Variants in KIAA1217 observed in about 807,000 individuals in gnomAD.
The protein encoded by KIAA1217 is KIAA1217, also known as sickle tail protein homolog.
A neutral mutation model predicts 163.9 loss-of-function variants in KIAA1217; 88 were observed. The ratio of observed to expected loss-of-function variants is 0.54; its 90% CI spans 0.45 to 0.64. The LOEUF is 0.64. Among genes scored for constraint, KIAA1217 ranks in the 30% least tolerant of loss-of-function variants. The probability of loss-of-function intolerance (pLI) is 0.00; values close to 1 mark genes in which losing one functional copy is unlikely to be tolerated. For missense variants in KIAA1217, 2,372 were observed against 2,475.0 expected (o/e 0.96, Z 0.88); for synonymous variants, 903 against 923.1 (o/e 0.98, Z 0.39).
intron 2 of KIAA1217, among the ~76,000 whole-genome samples, chr10:24,241,962 T>C (rs562867935): frequency 5.3e-5 from 8 of 152,316 alleles, no homozygotes; most frequent in African/African-American, 1.7e-4. Context: ...TCTGAGCTGC[T>C]GAGCCTGAAC....
At chr10:24,118,094 C>A (rs192046209) in intron 2 of KIAA1217, among the ~76,000 whole-genome samples, 1 of 149,372 alleles carries the variant, frequency 6.7e-6, no homozygotes, top group Non-Finnish European at 1.5e-5. Flanking sequence ...CAAACCCTGA[C>A]GTGAATTTAC....
At chr10:24,500,267 CGT>C (rs995468879) in intron 8 of KIAA1217, among the ~76,000 whole-genome samples, 4 of 90,956 alleles carry the variant, frequency 4.4e-5, no homozygotes, top group African/African-American at 8.8e-5. Flanking sequence ...AGTGTGTGTG[CGT>C]GTGTGTGTGT....
At chr10:24,418,386 AGGACCAAAC>A (rs1354814635) in intron 3 of KIAA1217, among the ~76,000 whole-genome samples, 12 of 152,196 alleles carry the variant, frequency 7.9e-5, no homozygotes, top group Admixed American at 3.3e-4. Context: ...CCCCAACTTG[AGGACCAAAC>A]AGGTTGTGCC....
chr10:24,333,438 A>G (rs1038198086), intron 2 of KIAA1217, among the ~76,000 whole-genome samples: 2 of 152,014 alleles, frequency 1.3e-5, no homozygotes, highest in Non-Finnish European at 2.9e-5. Context: ...CATAATTTCA[A>G]TTTTTATTTG....
chr10:24,313,949 C>G (rs761041877), intron 2 of KIAA1217, among the ~76,000 whole-genome samples: 1 of 149,662 alleles, frequency 6.7e-6, no homozygotes, highest in Admixed American at 6.7e-5. Flanking sequence ...AAGTGATTCT[C>G]CTGCCTCAGC....
At chr10:23,780,482 A>G (rs1330073899) in intron 1 of KIAA1217, among the ~76,000 whole-genome samples, 1 of 152,166 alleles carries the variant, frequency 6.6e-6, no homozygotes, top group Non-Finnish European at 1.5e-5. Flanking sequence ...TTTGTATATA[A>G]GTGAGATCAC....
intron 1 of KIAA1217, among the ~76,000 whole-genome samples, chr10:23,776,233 C>T (rs1227843738): frequency 6.6e-6 from 1 of 152,058 alleles, no homozygotes; most frequent in African/African-American, 2.4e-5. Context: ...TCTGATCCCT[C>T]AAGATTCTTC....
chr10:24,131,211 C>T (rs2063640604), intron 2 of KIAA1217, among the ~76,000 whole-genome samples: 1 of 152,132 alleles, frequency 6.6e-6, no homozygotes, highest in African/African-American at 2.4e-5. Flanking sequence ...ATTTTACATT[C>T]ATCCATAATA....
chr10:23,704,178 A>G (rs1014375618), intron 1 of KIAA1217, among the ~76,000 whole-genome samples: 2,453 of 60,544 alleles, frequency 0.041, 60 homozygotes, highest in African/African-American at 0.14. Flanking sequence ...GTGTGTATAT[A>G]TATATATATA....
intron 2 of KIAA1217, among the ~76,000 whole-genome samples, chr10:24,310,341 G>A (rs547580054): frequency 5.9e-5 from 9 of 152,286 alleles, no homozygotes; most frequent in African/African-American, 1.4e-4. Flanking sequence ...TTGCAGAGAA[G>A]GAAACCGAAG....
Position 24,398,672 on chromosome 10 carries a change from A to G in KIAA1217, c.553+17605A>G, listed in dbSNP as rs560512258. Among the ~76,000 whole-genome samples, 3 of 152,138 alleles carry G rather than the reference A, an allele frequency of 2.0e-5. No individual in the cohort carries two copies. In the South Asian group the frequency reaches 6.2e-4, roughly 32 times the overall value. On this transcript the variant is annotated intron_variant, in intron 3 of 20. Coordinates refer to ENST00000376454, the MANE Select transcript of KIAA1217 (RefSeq NM_019590.5). ...GGGGTCTTGTGTCCTTTTTCCCATGATTCTTTCCTCTGGATGGGCCGCCCG... is the reference window on the plus strand; with the variant it reads ...GGGGTCTTGTGTCCTTTTTCCCATGGTTCTTTCCTCTGGATGGGCCGCCCG...
At position 23,838,431 on chromosome 10, in the gene KIAA1217, C is replaced by G. The variant is rs556726138; in HGVS notation, c.-321+143197C>G. Among the ~76,000 whole-genome samples, 10 of 152,008 alleles carry G rather than the reference C, an allele frequency of 6.6e-5. No homozygotes were observed. In the East Asian group the frequency reaches 1.9e-3, roughly 29 times the overall value. ...TGACACTTCATGGCTAGGGAGATAA[C>G]AGACTTATGTTTATTGACAACTTGT... On this transcript the variant is annotated intron_variant, in intron 1 of 18. Coordinates refer to the KIAA1217 transcript ENST00000376462.
chr10:24,385,879 T>A (rs1406800680), intron 3 of KIAA1217, among the ~76,000 whole-genome samples: 1 of 152,220 alleles, frequency 6.6e-6, no homozygotes, highest in Admixed American at 6.5e-5. Context: ...GTCTGGAGTC[T>A]TAATGATGGA....
intron 4 of KIAA1217, among the ~76,000 whole-genome samples, chr10:24,438,150 G>GAAT (rs1366409299): frequency 6.6e-6 from 1 of 151,898 alleles, no homozygotes; most frequent in East Asian, 1.9e-4. Context: ...TATACTGGAG[G>GAAT]AATAATACTT....
intron 2 of KIAA1217, among the ~76,000 whole-genome samples, chr10:24,135,885 T>C (rs2063815076): frequency 6.6e-6 from 1 of 152,210 alleles, no homozygotes; most frequent in Non-Finnish European, 1.5e-5. Context: ...GACATATAAG[T>C]AAGTAAAAAC....
intron 1 of KIAA1217, among the ~76,000 whole-genome samples, chr10:23,941,752 C>T (rs1417535118): frequency 3.9e-5 from 6 of 152,076 alleles, no homozygotes; most frequent in African/African-American, 7.2e-5. Flanking sequence ...AAGTACTGCA[C>T]GGCACTTAGA....
intron 1 of KIAA1217, among the ~76,000 whole-genome samples, chr10:23,796,326 T>C (rs908767578): frequency 2.0e-5 from 3 of 150,454 alleles, no homozygotes; most frequent in African/African-American, 2.5e-5. Context: ...AAGCCTTGCC[T>C]TCCCGAGAGA....
In KIAA1217 at chr10:24,528,084, G is replaced by A. The variant is rs781125571; in HGVS notation, c.3047G>A (p.Arg1016Lys). 3 of 1,613,996 alleles carry A rather than the reference G, an allele frequency of 1.9e-6. No individual in the cohort carries two copies. Among genetic ancestry groups the A allele is most frequent in the Non-Finnish European group, 8.5e-7 (1 of 1,179,992 alleles). Residue 1016 changes from arginine (R) to lysine (K), a missense_variant, in exon 14 of 21, where the codon AGG (arginine) becomes AAG (lysine). This residue lies in a region of KIAA1217 where 1,431 missense variants were observed against 1,470.3 expected (regional missense o/e 0.97). Transcript: ENST00000376454. ...EMPPATGPLP[R>K]GDAPVDKVEL... ...CCGCCAGCCACAGGCCCACTGCCAA[G>A]GGGAGATGCCCCAGTGGACAAGGTG...
At chr10:24,240,563 G>T (rs901067091) in intron 2 of KIAA1217, among the ~76,000 whole-genome samples, 2 of 152,140 alleles carry the variant, frequency 1.3e-5, no homozygotes, top group African/African-American at 4.8e-5. Flanking sequence ...GGAAGTTCTG[G>T]GCGTTGAGTT....
Sources: allele counts gnomAD v4.1 joint callset (sites outside exome capture counted in the v4.1 genomes callset), GRCh38; gene constraint gnomAD v4.1.1; regional missense constraint gnomAD v4.1.1; transcripts MANE v1.5; gene names NCBI Gene and HGNC (gene_info 2026-07-23, HGNC 2026-07-21).